CADM3: variants seen among roughly 807,000 people sequenced by gnomAD.
The protein encoded by CADM3 is cell adhesion molecule 3, also known as TSLC1-like 1.
CADM3 carries 11 observed loss-of-function variants against 44.9 expected under a neutral mutation model. The ratio of observed to expected loss-of-function variants is 0.25; its 90% confidence interval spans 0.15 to 0.41. CADM3 has a LOEUF of 0.41. Ranked by LOEUF, CADM3 falls within the 10% of genes least tolerant of loss-of-function variation. CADM3 has a pLI of 1.00. For synonymous variants in CADM3, 207 were observed against 205.2 expected (o/e 1.01, Z -0.08); for missense variants, 426 against 512.0 (o/e 0.83, Z 1.62).
At chr1:159,187,857 G>A (rs1462584404) in intron 1 of CADM3, among the ~76,000 whole-genome samples, 1 of 152,078 alleles carries the variant, frequency 6.6e-6, no homozygotes, top group Non-Finnish European at 1.5e-5. Flanking sequence ...AGGTAGTAGG[G>A]TGAGTGTGGG....
chr1:159,179,300 C>G (rs1293569950), intron 1 of CADM3, among the ~76,000 whole-genome samples: 2 of 152,180 alleles, frequency 1.3e-5, no homozygotes, highest in African/African-American at 4.8e-5. Flanking sequence ...AGCTAAATAA[C>G]TTAAAGAACA....
At chr1:159,189,785 C>G (rs1228065846) in intron 1 of CADM3, 2 of 1,606,328 alleles carry the variant, frequency 1.2e-6, no homozygotes, top group East Asian at 2.2e-5. Flanking sequence ...CTGGCAGGAG[C>G]AGGATTTGGA....
At chr1:159,194,094 G>C in intron 5 of CADM3, 54 bp downstream of exon 5, 1 of 1,546,800 alleles carries the variant, frequency 6.5e-7, no homozygotes, top group Non-Finnish European at 8.8e-7. Flanking sequence ...GAGGACCAGG[G>C]AGAAAGAGAA....
At chr1:159,189,460 T>C (rs535681841) in intron 1 of CADM3, among the ~76,000 whole-genome samples, 1 of 152,360 alleles carries the variant, frequency 6.6e-6, no homozygotes, top group South Asian at 2.1e-4. Context: ...GGTTTCATTG[T>C]CCTCATCTGC....
Position 159,171,852 on chromosome 1 carries a change from C to G in CADM3, c.87C>G (p.Asp29Glu). ...WAPGGANLSQ[D>E]DSQPWTSDET... is the part of the protein sequence containing the mutation. The stretch of plus-strand genomic sequence containing the variant: ...CCGGCGGGGCCAACCTCTCCCAGGA[C>G]GGTGAGTGAGGGAGGGGGCGGCGCC... Residue 29 changes from aspartate to glutamate, a missense_variant and splice_region_variant, in exon 1 of 9, where the codon GAC (aspartate) becomes GAG (glutamate). Asp to Glu is a conservative substitution (Grantham distance 45). This residue lies in a region of CADM3 where 64 missense variants were observed against 37.4 expected (regional missense o/e 1.71). Transcript: ENST00000368125. 1.6e-6 allele frequency: 2 copies of G among 1,242,208 alleles called. No homozygotes were observed. Among genetic ancestry groups the G allele is most frequent in the Non-Finnish European group, 2.0e-6 (2 of 991,392 alleles). 76.9% of individuals were successfully genotyped at this position (1,242,208 alleles called of 1,614,324 possible). A position where few individuals can be genotyped will look rare whatever the true frequency, so the allele number is the denominator to read the frequency against.
At chr1:159,194,355 A>G (rs1446562923) in intron 5 of CADM3, 2 of 217,562 alleles carry the variant, frequency 9.2e-6, no homozygotes, top group Non-Finnish European at 1.8e-5. Flanking sequence ...TTTACAAAAG[A>G]ATGCAGGTGG....
At chr1:159,196,789 A>T (rs1649915648) in intron 6 of CADM3, 102 bp from the exon 7 acceptor site, 1 of 1,206,502 alleles carries the variant, frequency 8.3e-7, no homozygotes, top group Non-Finnish European at 1.2e-6. Flanking sequence ...CTCCAGCCTC[A>T]TCAAACAGTC....
rs59681200 is a variant in CADM3, at chr1:159,189,489, T to C, written c.89-2447T>C. Among the ~76,000 whole-genome samples, 394 of 152,344 alleles carry C rather than the reference T, an allele frequency of 2.6e-3. 5 individuals are homozygous for C. In the East Asian group the frequency reaches 0.037, roughly 14 times the overall value. ...CATCTGCGAAGTGGGAGAACTAGACTGGATGAACTCTTAAGATCTCTTTGG... is the reference window on the plus strand; with the variant it reads ...CATCTGCGAAGTGGGAGAACTAGACCGGATGAACTCTTAAGATCTCTTTGG... On this transcript the variant is annotated intron_variant, in intron 1 of 8. Transcript: ENST00000368125.
At chr1:159,198,572 C>T (rs1445284227) in intron 7 of CADM3, among the ~76,000 whole-genome samples, 1 of 152,002 alleles carries the variant, frequency 6.6e-6, no homozygotes, top group Non-Finnish European at 1.5e-5. Flanking sequence ...AACTGAAACG[C>T]GGGCCCAGCC....
intron 1 of CADM3, among the ~76,000 whole-genome samples, chr1:159,173,030 G>C (rs995521670): frequency 2.6e-5 from 4 of 152,110 alleles, no homozygotes; most frequent in Non-Finnish European, 5.9e-5. Context: ...GGAAGAGGAG[G>C]AGGGCTGGGA....
At chr1:159,181,796 C>A (rs1649237105) in intron 1 of CADM3, among the ~76,000 whole-genome samples, 2 of 152,118 alleles carry the variant, frequency 1.3e-5, no homozygotes, top group East Asian at 3.9e-4. Context: ...CAAATCAAAG[C>A]AACAGCTGTC....
At chr1:159,200,451 A>G (rs1650120350) in intron 8 of CADM3, among the ~76,000 whole-genome samples, 1 of 152,168 alleles carries the variant, frequency 6.6e-6, no homozygotes, top group Non-Finnish European at 1.5e-5. Flanking sequence ...TGAAGCTGAC[A>G]TAGCAGATCC....
At chr1:159,182,422 G>A (rs1649271788) in intron 1 of CADM3, among the ~76,000 whole-genome samples, 1 of 152,194 alleles carries the variant, frequency 6.6e-6, no homozygotes. Flanking sequence ...GAATTAGCCA[G>A]TCCACAAGGA....
chr1:159,179,416 T>G (rs1649144656), intron 1 of CADM3, among the ~76,000 whole-genome samples: 1 of 152,214 alleles, frequency 6.6e-6, no homozygotes, highest in Non-Finnish European at 1.5e-5. Context: ...CTCATTTACT[T>G]CTAGTTCAGG....
At chr1:159,184,232 A>G (rs1649337141) in intron 1 of CADM3, among the ~76,000 whole-genome samples, 1 of 152,216 alleles carries the variant, frequency 6.6e-6, no homozygotes, top group Non-Finnish European at 1.5e-5. Flanking sequence ...TGAGAATGAC[A>G]TAATCTGGAC....
chr1:159,196,648 C>T lies in CADM3; in HGVS notation c.782+194C>T, dbSNP rs576100800. ...AATGGGAAGGGGCCACTCCCTAACT[C>T]AGTCCCTGAGTTTCCCACAAAGGCC... On this transcript the variant is annotated intron_variant, in intron 6 of 8. Transcript: ENST00000368125. 11 of 636,040 alleles carry T rather than the reference C, an allele frequency of 1.7e-5. No individual in the cohort carries two copies. In the East Asian group the frequency reaches 3.0e-4, roughly 17 times the overall value. 39.4% of individuals were successfully genotyped at this position (636,040 alleles called of 1,614,324 possible).
intron 1 of CADM3, among the ~76,000 whole-genome samples, chr1:159,176,138 T>C (rs1446250290): frequency 6.6e-6 from 1 of 152,188 alleles, no homozygotes; most frequent in Non-Finnish European, 1.5e-5. Flanking sequence ...GTAATGGAAT[T>C]TTACCTAAGG....
intron 8 of CADM3, among the ~76,000 whole-genome samples, chr1:159,200,184 C>G (rs937298938): frequency 6.6e-6 from 1 of 152,208 alleles, no homozygotes; most frequent in Non-Finnish European, 1.5e-5. Flanking sequence ...CAGAGAGCTC[C>G]TGAAACTGCA....
rs1388220075 is a variant in CADM3, at chr1:159,201,078, G to T, written c.*156G>T. On this transcript the variant is annotated 3_prime_UTR_variant, in exon 9 of 9. Transcript: ENST00000368125. Reference sequence around the variant, plus strand: ...GTACAGAATGTCTGCTTTGGGTGCGGTTTTGTACTCGGTTTGGAATGGGGA... The same window carrying T: ...GTACAGAATGTCTGCTTTGGGTGCGTTTTTGTACTCGGTTTGGAATGGGGA... 3.0e-5 allele frequency: 6 copies of T among 197,668 alleles called. No individual in the cohort carries two copies. The highest frequency in any genetic ancestry group is 5.4e-5 in the Non-Finnish European group (5 of 93,026). The allele number at this position is 197,668 out of a possible 1,614,324, so 12.2% of individuals were successfully genotyped here.
Sources: gnomAD v4.1 joint callset for allele counts (sites outside exome capture counted in the v4.1 genomes callset) on GRCh38, gnomAD v4.1.1 for gene constraint, gnomAD v4.1.1 regional missense constraint, MANE v1.5 for transcripts, NCBI Gene and HGNC (gene_info 2026-07-23, HGNC 2026-07-21) for gene names.